CSGALNACT1: variants seen among roughly 807,000 people sequenced by gnomAD.
CSGALNACT1 encodes the protein beta4GalNAcT-1.
A neutral mutation model predicts 51.0 loss-of-function variants in CSGALNACT1; 52 were observed. The observed-to-expected ratio is 1.02, with a 90% CI of 0.82 to 1.29. CSGALNACT1 has a LOEUF of 1.29. Among genes scored for constraint, CSGALNACT1 ranks in the 50% most tolerant of loss-of-function variants. The pLI, the probability that CSGALNACT1 is intolerant of heterozygous loss-of-function variation, is 0.00. For synonymous variants in CSGALNACT1, 341 were observed against 254.4 expected (o/e 1.34, Z -3.24); for missense variants, 935 against 679.2 (o/e 1.38, Z -4.19).
chr8:19,619,262 C>A (rs1242579007), intron 1 of CSGALNACT1, among the ~76,000 whole-genome samples: 1 of 144,798 alleles, frequency 6.9e-6, no homozygotes, highest in African/African-American at 2.6e-5. Context: ...GGGGGGTGGG[C>A]CTTGAAAAAA....
At chr8:19,416,709 G>GCAA (rs2056952059) in intron 8 of CSGALNACT1, among the ~76,000 whole-genome samples, 1 of 152,196 alleles carries the variant, frequency 6.6e-6, no homozygotes, top group Non-Finnish European at 1.5e-5. Context: ...TAACCTAGGA[G>GCAA]CAACAGCCTG....
At chr8:19,513,462 A>ATATATATATATATATT (rs1226907527) in intron 3 of CSGALNACT1, among the ~76,000 whole-genome samples, 2 of 140,212 alleles carry the variant, frequency 1.4e-5, no homozygotes, top group African/African-American at 2.7e-5. Context: ...ATATATATAT[A>ATATATATATATATATT]TTTTGTGCCA....
intron 4 of CSGALNACT1, among the ~76,000 whole-genome samples, chr8:19,479,404 C>T (rs2070726244): frequency 6.6e-6 from 1 of 152,216 alleles, no homozygotes; most frequent in Non-Finnish European, 1.5e-5. Context: ...CCATTGGCGG[C>T]CAGTAGTCCA....
chr8:19,496,042 G>C (rs921584829), intron 4 of CSGALNACT1, among the ~76,000 whole-genome samples: 2 of 152,158 alleles, frequency 1.3e-5, no homozygotes, highest in Admixed American at 6.5e-5. Context: ...CCCGTATTCC[G>C]GCAATGAGGA....
intron 4 of CSGALNACT1, among the ~76,000 whole-genome samples, chr8:19,479,231 A>T (rs1454834489): frequency 6.6e-6 from 1 of 152,228 alleles, no homozygotes; most frequent in African/African-American, 2.4e-5. Flanking sequence ...ATGAAGCTGG[A>T]ATCATTACAG....
chr8:19,721,414 A>G (rs1300077540), intron 1 of CSGALNACT1, among the ~76,000 whole-genome samples: 1 of 152,198 alleles, frequency 6.6e-6, no homozygotes, highest in Non-Finnish European at 1.5e-5. Context: ...TTTTACCCAA[A>G]ACACATAGGC....
At chr8:19,420,099 C>G (rs1040842410) in intron 7 of CSGALNACT1, among the ~76,000 whole-genome samples, 3 of 152,222 alleles carry the variant, frequency 2.0e-5, no homozygotes, top group Non-Finnish European at 4.4e-5. Flanking sequence ...GAGGCCTCCC[C>G]AGCCATGCAG....
intron 1 of CSGALNACT1, among the ~76,000 whole-genome samples, chr8:19,614,645 C>G (rs1240013832): frequency 1.3e-5 from 2 of 152,038 alleles, no homozygotes; most frequent in African/African-American, 4.8e-5. Context: ...GCTTCTCATT[C>G]TATATAGGGC....
intron 4 of CSGALNACT1, among the ~76,000 whole-genome samples, chr8:19,478,202 C>G (rs765240216): frequency 1.3e-5 from 2 of 152,030 alleles, no homozygotes; most frequent in African/African-American, 2.4e-5. Flanking sequence ...ATCACGAGGT[C>G]AGGAGATCGA....
intron 5 of CSGALNACT1, among the ~76,000 whole-genome samples, chr8:19,452,918 A>G (rs773533936): frequency 6.6e-6 from 1 of 152,202 alleles, no homozygotes; most frequent in Non-Finnish European, 1.5e-5. Flanking sequence ...CTTTTACACT[A>G]CAAATAAACT....
At chr8:19,734,685 G>C (rs2063869320) in intron 1 of CSGALNACT1, among the ~76,000 whole-genome samples, 1 of 152,120 alleles carries the variant, frequency 6.6e-6, no homozygotes, top group South Asian at 2.1e-4. Context: ...GAATGTCTGA[G>C]AGGTCACAGA....
At chr8:19,563,593 A>T (rs1278778688) in intron 3 of CSGALNACT1, among the ~76,000 whole-genome samples, 1 of 152,078 alleles carries the variant, frequency 6.6e-6, no homozygotes, top group Non-Finnish European at 1.5e-5. Flanking sequence ...ACCGCTCTTG[A>T]ATATGCCTGC....
At chr8:19,663,924 A>G (rs936304335) in intron 1 of CSGALNACT1, among the ~76,000 whole-genome samples, 4 of 152,200 alleles carry the variant, frequency 2.6e-5, no homozygotes, top group Non-Finnish European at 5.9e-5. Context: ...GGCAGTTTTA[A>G]AACAGACAAA....
At chr8:19,505,929 G>T (rs1345003278) in exon 4 of CSGALNACT1, 4 of 1,513,982 alleles carry the variant, frequency 2.6e-6, no homozygotes, top group Non-Finnish European at 3.6e-6. Context: ...GGAAGCATGC[G>T]TTTGGGGCCC....
intron 1 of CSGALNACT1, among the ~76,000 whole-genome samples, chr8:19,666,781 A>G (rs549505748): frequency 0.011 from 215 of 19,750 alleles, 4 homozygotes; most frequent in Middle Eastern, 0.056. Context: ...GAAAGAAAGA[A>G]AGAAAGAAAG....
intron 4 of CSGALNACT1, among the ~76,000 whole-genome samples, chr8:19,469,477 A>C (rs2067574544): frequency 1.3e-5 from 2 of 152,292 alleles, no homozygotes; most frequent in Non-Finnish European, 2.9e-5. Flanking sequence ...CTTATCAATA[A>C]GTTTCAGGGG....
chr8:19,592,365 C>T (rs1311916451), intron 2 of CSGALNACT1, among the ~76,000 whole-genome samples: 1 of 152,140 alleles, frequency 6.6e-6, no homozygotes, highest in Admixed American at 6.5e-5. Flanking sequence ...ATGATGTATA[C>T]ACTTATTCTC....
intron 1 of CSGALNACT1, among the ~76,000 whole-genome samples, chr8:19,720,859 G>A (rs747556138): frequency 1.4e-4 from 21 of 152,308 alleles, no homozygotes; most frequent in Non-Finnish European, 2.8e-4. Context: ...AGCCCCTGAT[G>A]AAGAATCTGA....
At chr8:19,556,820 A>T (rs2039558342) in intron 3 of CSGALNACT1, among the ~76,000 whole-genome samples, 1 of 152,158 alleles carries the variant, frequency 6.6e-6, no homozygotes, top group South Asian at 2.1e-4. Flanking sequence ...GTCAACAGAC[A>T]TTAAAGTACA....
Sources: allele counts gnomAD v4.1 joint callset (sites outside exome capture counted in the v4.1 genomes callset), GRCh38; gene constraint gnomAD v4.1.1; transcripts MANE v1.5; gene names NCBI Gene and HGNC (gene_info 2026-07-23, HGNC 2026-07-21).